PCDHA11: variants seen among roughly 807,000 people sequenced by gnomAD.
PCDHA11 encodes protocadherin alpha 11, also known as protocadherin alpha-11.
A neutral mutation model predicts 70.3 loss-of-function variants in PCDHA11; 61 were observed. The ratio of observed to expected loss-of-function variants is 0.87; its 90% CI spans 0.71 to 1.07. PCDHA11 has a LOEUF of 1.07. Among genes scored for constraint, PCDHA11 ranks in the 50% least tolerant of loss-of-function variants. PCDHA11 has a pLI of 0.00. For missense variants in PCDHA11, 1,324 were observed against 1,237.5 expected, an observed-to-expected ratio of 1.07 and a Z score of -1.05; for synonymous variants, 633 against 555.1, an observed-to-expected ratio of 1.14 and a Z score of -1.97.
rs1554202548 is a variant in PCDHA11, at chr5:140,925,108, G to GGAA, written c.2391+53615_2391+53616insAAG. 5.0e-3 allele frequency among the ~76,000 whole-genome samples: 619 copies of GGAA among 124,770 alleles called. 3 individuals are homozygous for GGAA. Among genetic ancestry groups the GGAA allele is most frequent in the African/African-American group, 0.02 (595 of 30,200 alleles). The allele number at this position is 124,770 out of a possible 152,430, so 81.9% of individuals were successfully genotyped here. ...AAGGAAGGAAGGAAGGAAGGAAGGA[G>GGAA]GGAAGGAAGGAAGGAAAAAAAATTT... is the stretch of plus-strand genomic sequence containing the variant. On this transcript the variant is annotated intron_variant, in intron 1 of 3. Coordinates refer to ENST00000398640, the MANE Select transcript of PCDHA11 (RefSeq NM_018902.5).
intron 1 of PCDHA11, among the ~76,000 whole-genome samples, chr5:140,912,613 T>A (rs183484256): frequency 5.3e-4 from 80 of 152,290 alleles, no homozygotes; most frequent in African/African-American, 1.5e-3. Flanking sequence ...TCTTGTCTGA[T>A]TACTCTGGAT....
chr5:140,903,753 A>T (rs1554191101), intron 1 of PCDHA11, among the ~76,000 whole-genome samples: 2 of 152,186 alleles, frequency 1.3e-5, no homozygotes, highest in African/African-American at 4.8e-5. Context: ...GTTTCCCTTG[A>T]TTTTTGCTGA....
chr5:140,957,169 A>T (rs868935808), intron 1 of PCDHA11, among the ~76,000 whole-genome samples: 16 of 152,164 alleles, frequency 1.1e-4, no homozygotes, highest in African/African-American at 3.9e-4. Flanking sequence ...CTAAGTATAT[A>T]AATTGGTTTA....
intron 3 of PCDHA11, among the ~76,000 whole-genome samples, chr5:141,001,247 A>G (rs547699044): frequency 1.3e-5 from 2 of 152,256 alleles, no homozygotes; most frequent in African/African-American, 2.4e-5. Flanking sequence ...AATCAACCCT[A>G]TGGGGCGGGC....
chr5:141,008,346 C>T lies in PCDHA11; in HGVS notation c.2540-1281C>T, dbSNP rs1223206383. Among the ~76,000 whole-genome samples the T allele has an allele frequency of 2.0e-5, 3 of 152,158 alleles. No homozygotes were observed. The East Asian group carries it at 5.8e-4, about 29-fold the overall frequency. On this transcript the variant is annotated intron_variant, in intron 3 of 3. Coordinates refer to ENST00000398640, the MANE Select transcript of PCDHA11 (RefSeq NM_018902.5). ...ACAGTTTATTTGATGGAGCTTTTCA[C>T]GTGTCAACCAAAGGAGCAGTGTTAG...
At chr5:140,883,366 C>T (rs34923516) in intron 1 of PCDHA11, 1 of 1,614,174 alleles carries the variant, frequency 6.2e-7, no homozygotes, top group South Asian at 1.1e-5. Context: ...CTCAGCCTAG[C>T]GCCATTATTG....
chr5:140,879,227 T>C (rs1474080938), intron 1 of PCDHA11, among the ~76,000 whole-genome samples: 5 of 152,126 alleles, frequency 3.3e-5, no homozygotes, highest in Admixed American at 6.5e-5. Flanking sequence ...GAAAAAGACA[T>C]ATACAAGAGG....
chr5:140,884,488 G>T, intron 1 of PCDHA11: 1 of 1,614,046 alleles, frequency 6.2e-7, no homozygotes, highest in East Asian at 2.2e-5. Context: ...CCACTCTAGT[G>T]TGCTCCAGCG....
intron 1 of PCDHA11, among the ~76,000 whole-genome samples, chr5:140,904,695 G>A (rs1276696069): frequency 2.0e-5 from 3 of 152,024 alleles, no homozygotes; most frequent in Admixed American, 2.0e-4. Flanking sequence ...GTGTAAAATT[G>A]TTCCCTTTTC....
At chr5:140,931,791 T>A (rs1168945699) in intron 1 of PCDHA11, among the ~76,000 whole-genome samples, 1 of 152,016 alleles carries the variant, frequency 6.6e-6, no homozygotes, top group African/African-American at 2.4e-5. Context: ...CCTATTGATC[T>A]GATCTTAATT....
At chr5:140,977,227 A>G (rs149467858) in intron 1 of PCDHA11, among the ~76,000 whole-genome samples, 4 of 152,288 alleles carry the variant, frequency 2.6e-5, no homozygotes, top group African/African-American at 7.2e-5. Context: ...ATGTTACCCA[A>G]TCATAGAAAA....
At chr5:140,908,165 G>T (rs1422050863) in intron 1 of PCDHA11, among the ~76,000 whole-genome samples, 1 of 152,222 alleles carries the variant, frequency 6.6e-6, no homozygotes, top group African/African-American at 2.4e-5. Context: ...GGGCTGTAGT[G>T]CTGCAGCTGT....
chr5:140,973,411 C>G (rs545745437), intron 1 of PCDHA11, among the ~76,000 whole-genome samples: 2 of 152,326 alleles, frequency 1.3e-5, no homozygotes, highest in East Asian at 3.9e-4. Context: ...TGAGCTTCCA[C>G]TCCAGTTTTT....
At chr5:140,993,521 G>C (rs1554253818) in intron 3 of PCDHA11, among the ~76,000 whole-genome samples, 4 of 151,128 alleles carry the variant, frequency 2.6e-5, no homozygotes, top group Admixed American at 2.0e-4. Flanking sequence ...GGGAGAGAGA[G>C]ACAGAGAGAG....
At chr5:140,902,761 G>A (rs58783050) in intron 1 of PCDHA11, among the ~76,000 whole-genome samples, 3,599 of 148,306 alleles carry the variant, frequency 0.024, 139 homozygotes, top group African/African-American at 0.083. Flanking sequence ...TCATTCTTAT[G>A]TCTTTGCATT....
chr5:140,986,195 A>C (rs1200850544), intron 3 of PCDHA11, among the ~76,000 whole-genome samples: 1 of 152,196 alleles, frequency 6.6e-6, no homozygotes, highest in African/African-American at 2.4e-5. Context: ...TAAATTGGTT[A>C]ATCCTGATTA....
At chr5:140,932,028 G>T (rs1299372751) in intron 1 of PCDHA11, among the ~76,000 whole-genome samples, 1 of 151,864 alleles carries the variant, frequency 6.6e-6, no homozygotes, top group African/African-American at 2.4e-5. Context: ...TAAGTTTACA[G>T]TATATATTAA....
intron 1 of PCDHA11, chr5:140,882,120 CT>C (rs2058961361): frequency 6.9e-7 from 1 of 1,449,002 alleles, no homozygotes; most frequent in East Asian, 2.3e-5. Flanking sequence ...GCCGCCGTTT[CT>C]TTCTTCCTGC....
chr5:140,966,658 G>A (rs887585622), intron 1 of PCDHA11: 5 of 1,212,426 alleles, frequency 4.1e-6, no homozygotes, highest in Admixed American at 3.9e-5. Flanking sequence ...GAGCGGTGGG[G>A]GAGCAGGCGC....
Sources: gnomAD v4.1 joint callset for allele counts (sites outside exome capture counted in the v4.1 genomes callset) on GRCh38, gnomAD v4.1.1 for gene constraint, MANE v1.5 for transcripts, NCBI Gene and HGNC (gene_info 2026-07-23, HGNC 2026-07-21) for gene names.